KCNIP4: variants seen among roughly 807,000 people sequenced by gnomAD.
The protein encoded by KCNIP4 is potassium voltage-gated channel interacting protein 4.
A neutral mutation model predicts 34.0 loss-of-function variants in KCNIP4; 12 were observed. That is an observed-to-expected ratio of 0.35 (90% CI 0.23 to 0.57). The LOEUF is 0.57. Among genes scored for constraint, KCNIP4 ranks in the 20% least tolerant of loss-of-function variants. The pLI, the probability that KCNIP4 is intolerant of heterozygous loss-of-function variation, is 0.83. For synonymous variants in KCNIP4, 124 were observed against 102.2 expected (o/e 1.21, Z -1.29); for missense variants, 238 against 311.7 (o/e 0.76, Z 1.78).
chr4:20,909,713 C>T (rs1490040506), intron 1 of KCNIP4, among the ~76,000 whole-genome samples: 1 of 152,164 alleles, frequency 6.6e-6, no homozygotes, highest in Non-Finnish European at 1.5e-5. Flanking sequence ...TCCCTGTCTT[C>T]TTTCTATTCA....
chr4:21,665,891 G>A lies in KCNIP4; in HGVS notation c.61+282680C>T, dbSNP rs535534897. On this transcript the variant is annotated intron_variant, in intron 1 of 8. Coordinates refer to ENST00000382152, the MANE Select transcript of KCNIP4 (RefSeq NM_025221.6). ...CATCCTTCCTCTGACCATACATGGC[G>A]CCCCTTTGGCCTTTTGTCATTTTCA... 9.9e-5 allele frequency among the ~76,000 whole-genome samples: 15 copies of A among 152,190 alleles called. No individual in the cohort carries two copies. In the South Asian group the frequency reaches 2.3e-3, roughly 23 times the overall value.
chr4:21,345,306 C>A (rs1432408408), intron 1 of KCNIP4, among the ~76,000 whole-genome samples: 1 of 152,146 alleles, frequency 6.6e-6, no homozygotes, highest in Non-Finnish European at 1.5e-5. Context: ...CTTCCCCTCA[C>A]TCAAGCATTG....
chr4:21,143,135 C>A (rs7695339), intron 1 of KCNIP4, among the ~76,000 whole-genome samples: 40,407 of 152,074 alleles, frequency 0.27, 5,502 homozygotes, highest in Non-Finnish European at 0.3. Context: ...CCTAGGAAGA[C>A]ATTTTGCAGA....
At chr4:20,881,330 T>C (rs1247016972) in intron 2 of KCNIP4, among the ~76,000 whole-genome samples, 1 of 152,184 alleles carries the variant, frequency 6.6e-6, no homozygotes, top group Non-Finnish European at 1.5e-5. Context: ...ATTCATATTT[T>C]TAAATCACTA....
chr4:21,474,949 C>A (rs1202486017), intron 1 of KCNIP4, among the ~76,000 whole-genome samples: 2 of 145,660 alleles, frequency 1.4e-5, no homozygotes, highest in Non-Finnish European at 3.0e-5. Context: ...TGCAGTGAGC[C>A]GAGACTGCAC....
chr4:21,517,368 C>T (rs567233766), intron 1 of KCNIP4, among the ~76,000 whole-genome samples: 36 of 152,238 alleles, frequency 2.4e-4, no homozygotes, highest in Admixed American at 2.3e-3. Flanking sequence ...GGAAAGAAAG[C>T]AGAGAGTTTT....
At chr4:21,443,083 C>A (rs564712747) in intron 1 of KCNIP4, among the ~76,000 whole-genome samples, 38 of 152,282 alleles carry the variant, frequency 2.5e-4, no homozygotes, top group African/African-American at 7.2e-4. Context: ...TACGACAAAA[C>A]TTATCAACAT....
At chr4:21,268,233 A>G (rs1761935404) in intron 1 of KCNIP4, among the ~76,000 whole-genome samples, 1 of 135,568 alleles carries the variant, frequency 7.4e-6, no homozygotes, top group Non-Finnish European at 1.6e-5. Context: ...AAACTAAGTG[A>G]ATAAATATTC....
intron 1 of KCNIP4, among the ~76,000 whole-genome samples, chr4:21,415,236 C>G (rs1425954968): frequency 6.6e-6 from 1 of 151,812 alleles, no homozygotes; most frequent in Non-Finnish European, 1.5e-5. Context: ...ATGTGGGTAC[C>G]TAGAGTAATC....
At chr4:21,335,406 C>T (rs754793393) in intron 1 of KCNIP4, among the ~76,000 whole-genome samples, 5 of 152,090 alleles carry the variant, frequency 3.3e-5, no homozygotes, top group Non-Finnish European at 7.4e-5. Context: ...TGGGCATAGC[C>T]AGCACATAGC....
At chr4:21,497,080 T>C (rs1732909429) in intron 1 of KCNIP4, among the ~76,000 whole-genome samples, 2 of 152,200 alleles carry the variant, frequency 1.3e-5, no homozygotes, top group Admixed American at 1.3e-4. Flanking sequence ...AACTGTGTGA[T>C]GTTAGGCAAA....
chr4:21,945,829 A>T (rs1730481118), intron 1 of KCNIP4, among the ~76,000 whole-genome samples: 1 of 151,800 alleles, frequency 6.6e-6, no homozygotes, highest in Non-Finnish European at 1.5e-5. Flanking sequence ...AATGAAATGA[A>T]AAATGTATTT....
intron 1 of KCNIP4, among the ~76,000 whole-genome samples, chr4:21,792,458 T>C (rs1720359586): frequency 6.6e-6 from 1 of 152,212 alleles, no homozygotes; most frequent in Admixed American, 6.5e-5. Flanking sequence ...AGTCAAAACT[T>C]ACTGATTTAA....
intron 1 of KCNIP4, among the ~76,000 whole-genome samples, chr4:20,898,982 G>A (rs1050176087): frequency 4.6e-5 from 7 of 152,018 alleles, no homozygotes; most frequent in South Asian, 2.1e-4. Flanking sequence ...CTCCTATACC[G>A]CTCAGCATAT....
chr4:20,801,408 A>G (rs1216315748), intron 3 of KCNIP4, among the ~76,000 whole-genome samples: 1 of 152,172 alleles, frequency 6.6e-6, no homozygotes, highest in Non-Finnish European at 1.5e-5. Context: ...CAGTACTATA[A>G]TGGTGGTATG....
intron 1 of KCNIP4, among the ~76,000 whole-genome samples, chr4:21,648,275 C>T (rs1747190208): frequency 6.6e-6 from 1 of 152,190 alleles, no homozygotes; most frequent in African/African-American, 2.4e-5. Flanking sequence ...CATTTTAAAG[C>T]AATTTCTACT....
intron 1 of KCNIP4, among the ~76,000 whole-genome samples, chr4:21,110,320 G>GA (rs1431894458): frequency 6.6e-6 from 1 of 152,080 alleles, no homozygotes. Context: ...AATGAGGAAA[G>GA]AAAAAAACAG....
intron 1 of KCNIP4, among the ~76,000 whole-genome samples, chr4:21,245,383 G>A (rs866779139): frequency 2.6e-5 from 4 of 152,104 alleles, no homozygotes; most frequent in African/African-American, 7.2e-5. Context: ...CGATTTGGGG[G>A]TAAGAAGATA....
intron 1 of KCNIP4, among the ~76,000 whole-genome samples, chr4:21,483,605 T>C (rs1352163484): frequency 6.6e-6 from 1 of 151,040 alleles, no homozygotes; most frequent in African/African-American, 2.4e-5. Context: ...CTGGCTAATA[T>C]GGTGAAACCC....
Sources: gnomAD v4.1 joint callset for allele counts (sites outside exome capture counted in the v4.1 genomes callset) on GRCh38, gnomAD v4.1.1 for gene constraint, MANE v1.5 for transcripts, NCBI Gene and HGNC (gene_info 2026-07-23, HGNC 2026-07-21) for gene names.